ALDH1A2: variants seen among roughly 807,000 people sequenced by gnomAD.
ALDH1A2 encodes the protein aldehyde dehydrogenase 1 family member A2, also known as retinal dehydrogenase 2.
Under a neutral mutation model 60.3 loss-of-function variants are expected in ALDH1A2, and 27 were observed. The ratio of observed to expected loss-of-function variants is 0.45; its 90% CI spans 0.33 to 0.62. ALDH1A2 has a LOEUF of 0.62. Among genes scored for constraint, ALDH1A2 ranks in the 20% least tolerant of loss-of-function variants. The pLI is 0.02. For missense variants in ALDH1A2, 581 were observed against 643.8 expected (o/e 0.90, Z 1.06); for synonymous variants, 289 against 232.4 (o/e 1.24, Z -2.21).
intron 1 of ALDH1A2, among the ~76,000 whole-genome samples, chr15:58,028,433 C>T (rs1041220045): frequency 6.6e-6 from 1 of 152,116 alleles, no homozygotes; most frequent in East Asian, 1.9e-4. Flanking sequence ...CTGGTACCAG[C>T]CACTGCAAAA....
intron 7 of ALDH1A2, among the ~76,000 whole-genome samples, chr15:57,967,501 G>A (rs546146817): frequency 6.6e-6 from 1 of 152,092 alleles, no homozygotes; most frequent in Non-Finnish European, 1.5e-5. Context: ...CTCCCAAACT[G>A]CCTGTGCTGT....
rs117775625 is a variant in ALDH1A2, at chr15:58,050,046, G to A, written c.117+15488C>T. On this transcript the variant is annotated intron_variant, in intron 1 of 12. Transcript: ENST00000249750. ...CTGAAGTGTTTATTTTCAAAGCCAC[G>A]GGGGTCCCCATTTGAAAAAGCACCC... is the stretch of plus-strand genomic sequence containing the variant. Among the ~76,000 whole-genome samples, 463 of 152,066 alleles carry A rather than the reference G, an allele frequency of 3.0e-3. 1 individual carries two copies. Among genetic ancestry groups the A allele is most frequent in the Non-Finnish European group, 4.4e-3 (302 of 67,948 alleles).
chr15:57,964,536 G>A (rs1156932542), intron 8 of ALDH1A2: 1 of 168,336 alleles, frequency 5.9e-6, no homozygotes, highest in Non-Finnish European at 1.3e-5. Context: ...ATAGTGTAAT[G>A]TTTAGACAGG....
intron 1 of ALDH1A2, among the ~76,000 whole-genome samples, chr15:58,058,904 G>T (rs981884799): frequency 6.6e-6 from 1 of 152,100 alleles, no homozygotes; most frequent in Non-Finnish European, 1.5e-5. Flanking sequence ...TAATCCCCAC[G>T]TTTAGCCCCA....
At chr15:58,045,026 C>G (rs1372339373) in intron 1 of ALDH1A2, among the ~76,000 whole-genome samples, 6 of 151,918 alleles carry the variant, frequency 3.9e-5, no homozygotes, top group African/African-American at 1.2e-4. Flanking sequence ...CCAGAATCTA[C>G]AAACAACTTC....
intron 1 of ALDH1A2, among the ~76,000 whole-genome samples, chr15:58,023,431 G>C (rs539662174): frequency 6.6e-6 from 1 of 152,140 alleles, no homozygotes; most frequent in East Asian, 1.9e-4. Context: ...AACACATGCA[G>C]ATACAGGATG....
intron 1 of ALDH1A2, among the ~76,000 whole-genome samples, chr15:58,035,552 A>G (rs1896358145): frequency 6.6e-6 from 1 of 151,622 alleles, no homozygotes; most frequent in Non-Finnish European, 1.5e-5. Context: ...ATATGCATTC[A>G]GTGTGATACA....
chr15:57,969,164 C>A (rs995803360), intron 7 of ALDH1A2, among the ~76,000 whole-genome samples: 8 of 152,326 alleles, frequency 5.3e-5, no homozygotes, highest in South Asian at 2.1e-4. Flanking sequence ...CTGGTTTTCA[C>A]CAATGTCCTT....
chr15:58,048,269 T>C (rs1052186771), intron 1 of ALDH1A2, among the ~76,000 whole-genome samples: 10 of 152,202 alleles, frequency 6.6e-5, no homozygotes, highest in African/African-American at 9.6e-5. Flanking sequence ...TTAAATTAAG[T>C]GTTGTATGCC....
At chr15:58,010,853 A>T in intron 3 of ALDH1A2, 75 bp from the exon 4 acceptor site, 1 of 1,569,742 alleles carries the variant, frequency 6.4e-7, no homozygotes, top group Non-Finnish European at 8.7e-7. Flanking sequence ...GAGCAGAAGA[A>T]AAAAGGAAGA....
intron 9 of ALDH1A2, among the ~76,000 whole-genome samples, chr15:57,963,589 C>G (rs35268022): frequency 0.013 from 2,028 of 152,090 alleles, 49 homozygotes; most frequent in African/African-American, 0.046. Flanking sequence ...ATGATCCGCC[C>G]GCCTCGGCCT....
At chr15:58,053,061 T>C (rs536284559) in intron 1 of ALDH1A2, among the ~76,000 whole-genome samples, 1 of 152,272 alleles carries the variant, frequency 6.6e-6, no homozygotes, top group Admixed American at 6.5e-5. Flanking sequence ...GACCACACTC[T>C]GTGTCAAGGC....
intron 1 of ALDH1A2, among the ~76,000 whole-genome samples, chr15:58,056,705 A>C (rs1896903622): frequency 6.6e-6 from 1 of 152,196 alleles, no homozygotes; most frequent in Non-Finnish European, 1.5e-5. Flanking sequence ...ATAACAAATC[A>C]GTAAATACAC....
At chr15:58,051,373 T>G (rs1335745668) in intron 1 of ALDH1A2, among the ~76,000 whole-genome samples, 1 of 152,060 alleles carries the variant, frequency 6.6e-6, no homozygotes, top group Non-Finnish European at 1.5e-5. Flanking sequence ...ATTTATTTAT[T>G]TTTTTAGATA....
At chr15:58,000,484 A>G (rs1895227427) in intron 4 of ALDH1A2, among the ~76,000 whole-genome samples, 1 of 151,966 alleles carries the variant, frequency 6.6e-6, no homozygotes, top group Non-Finnish European at 1.5e-5. Flanking sequence ...TCTGTCATTT[A>G]CTTAATTTCT....
At chr15:57,985,148 A>G (rs145899177) in intron 7 of ALDH1A2, among the ~76,000 whole-genome samples, 13 of 152,268 alleles carry the variant, frequency 8.5e-5, no homozygotes, top group African/African-American at 2.4e-4. Context: ...ATTATTTCCA[A>G]TGCCTTGATG....
In ALDH1A2 at chr15:58,060,278, A is replaced by G. The variant is rs1251229169; in HGVS notation, c.117+5256T>C. On this transcript the variant is annotated intron_variant, in intron 1 of 12. Transcript: ENST00000249750. Reference sequence around the variant, plus strand: ...TTGGTTTCCATTAATTTAGATCTCTAAATATATATATAGTCATCACTTTGC... The same window carrying G: ...TTGGTTTCCATTAATTTAGATCTCTGAATATATATATAGTCATCACTTTGC... Among the ~76,000 whole-genome samples the G allele has an allele frequency of 2.6e-5, 4 of 152,204 alleles. No individual in the cohort carries two copies. In the East Asian group the frequency reaches 5.8e-4, roughly 22 times the overall value.
chr15:58,043,271 A>G (rs565971403), intron 1 of ALDH1A2, among the ~76,000 whole-genome samples: 5 of 152,114 alleles, frequency 3.3e-5, no homozygotes, highest in East Asian at 3.9e-4. Context: ...ATACTTTTCA[A>G]TACGGCACTT....
chr15:58,060,092 A>G (rs6493980), intron 1 of ALDH1A2, among the ~76,000 whole-genome samples: 73,624 of 151,776 alleles, frequency 0.49, 18,250 homozygotes, highest in Non-Finnish European at 0.54. Context: ...AGCTAATTTC[A>G]TATTTTTAGT....
Sources: allele counts gnomAD v4.1 joint callset (sites outside exome capture counted in the v4.1 genomes callset), GRCh38; gene constraint gnomAD v4.1.1; transcripts MANE v1.5; gene names NCBI Gene and HGNC (gene_info 2026-07-23, HGNC 2026-07-21).